KLHDC1: variants seen among roughly 807,000 people sequenced by gnomAD.
KLHDC1 encodes kelch domain containing 1.
Under a neutral mutation model 68.3 loss-of-function variants are expected in KLHDC1, and 53 were observed. That is an observed-to-expected ratio of 0.78 (90% CI 0.62 to 0.98). The LOEUF is 0.98. Among genes scored for constraint, KLHDC1 ranks in the 50% least tolerant of loss-of-function variants. KLHDC1 has a pLI of 0.00. For missense variants in KLHDC1, 470 were observed against 492.3 expected (o/e 0.95, Z 0.43); for synonymous variants, 148 against 159.0 (o/e 0.93, Z 0.52).
intron 12 of KLHDC1, among the ~76,000 whole-genome samples, chr14:49,750,652 A>AT (rs1343368327): frequency 6.6e-6 from 1 of 152,208 alleles, no homozygotes; most frequent in East Asian, 1.9e-4. Flanking sequence ...TTTAACACTT[A>AT]TTTTTTTGAA....
chr14:49,733,373 C>T lies in KLHDC1; in HGVS notation c.823+557C>T, dbSNP rs1009510235. 2.6e-5 allele frequency among the ~76,000 whole-genome samples: 4 copies of T among 151,696 alleles called. No individual in the cohort carries two copies. The East Asian group carries it at 5.8e-4, about 22-fold the overall frequency. ...TGGCATCAAGATAGACAGATGACCACGAATATTGACTTCTTAATTTGGCAT... is the reference window on the plus strand; with the variant it reads ...TGGCATCAAGATAGACAGATGACCATGAATATTGACTTCTTAATTTGGCAT... On this transcript the variant is annotated intron_variant, in intron 9 of 12. Transcript: ENST00000359332.
chr14:49,694,980 G>T (rs1013424279), intron 1 of KLHDC1, among the ~76,000 whole-genome samples: 5 of 152,232 alleles, frequency 3.3e-5, no homozygotes, highest in African/African-American at 1.2e-4. Context: ...CTATGTAGTT[G>T]GCTACTGACT....
intron 1 of KLHDC1, among the ~76,000 whole-genome samples, chr14:49,696,515 C>T (rs1887747674): frequency 6.6e-6 from 1 of 152,124 alleles, no homozygotes; most frequent in Admixed American, 6.5e-5. Context: ...AGAACAGCTT[C>T]CTTCCTTTAA....
chr14:49,704,254 A>G (rs1246273693), intron 1 of KLHDC1, among the ~76,000 whole-genome samples: 3 of 151,938 alleles, frequency 2.0e-5, no homozygotes, highest in South Asian at 4.1e-4. Flanking sequence ...ATGCTGGCTC[A>G]TGTCTTTTGC....
intron 6 of KLHDC1, among the ~76,000 whole-genome samples, chr14:49,726,770 C>T (rs1316073399): frequency 3.3e-5 from 5 of 152,170 alleles, no homozygotes; most frequent in Non-Finnish European, 5.9e-5. Context: ...CCTCAGGAAC[C>T]GGAGCAGGTT....
chr14:49,706,701 G>A (rs763533055), intron 1 of KLHDC1, among the ~76,000 whole-genome samples: 2 of 152,236 alleles, frequency 1.3e-5, no homozygotes, highest in Non-Finnish European at 2.9e-5. Context: ...ATATCTCATT[G>A]TAGTTTTGAT....
At chr14:49,694,624 C>T (rs1887679559) in intron 1 of KLHDC1, among the ~76,000 whole-genome samples, 1 of 152,024 alleles carries the variant, frequency 6.6e-6, no homozygotes, top group Non-Finnish European at 1.5e-5. Flanking sequence ...GAGGCTGAGG[C>T]GGGTGGATTA....
At chr14:49,746,231 G>A (rs1011508147) in intron 12 of KLHDC1, among the ~76,000 whole-genome samples, 1 of 152,204 alleles carries the variant, frequency 6.6e-6, no homozygotes, top group African/African-American at 2.4e-5. Flanking sequence ...GTGTTTATGG[G>A]AACTGTAGTG....
chr14:49,707,996 ATCT>A (rs372013967), intron 1 of KLHDC1, among the ~76,000 whole-genome samples: 5 of 151,746 alleles, frequency 3.3e-5, no homozygotes, highest in African/African-American at 1.2e-4. Flanking sequence ...AAACAGCTAA[ATCT>A]TCTTAGCATG....
chr14:49,739,682 T>C (rs1412546900), intron 10 of KLHDC1, among the ~76,000 whole-genome samples: 1 of 152,204 alleles, frequency 6.6e-6, no homozygotes, highest in South Asian at 2.1e-4. Flanking sequence ...TCCTTTTTAA[T>C]TTATTTCACT....
intron 4 of KLHDC1, 132 bp from the exon 5 acceptor site, chr14:49,723,742 C>T: frequency 1.7e-6 from 1 of 581,284 alleles, no homozygotes. Flanking sequence ...CTCTTTGTTC[C>T]CTCAGCTCTT....
chr14:49,730,513 C>T (rs1244476373), intron 8 of KLHDC1, among the ~76,000 whole-genome samples: 5 of 152,138 alleles, frequency 3.3e-5, no homozygotes, highest in African/African-American at 4.8e-5. Context: ...AGCCACCGTG[C>T]CCAGCTGACA....
intron 4 of KLHDC1, among the ~76,000 whole-genome samples, chr14:49,712,502 C>CTTT (rs776185436): frequency 7.5e-6 from 1 of 133,676 alleles, no homozygotes; most frequent in Admixed American, 7.5e-5. Flanking sequence ...CATAGATTTT[C>CTTT]TTTTTTTTTT....
At chr14:49,749,467 G>A (rs1051471513) in intron 12 of KLHDC1, among the ~76,000 whole-genome samples, 4 of 151,900 alleles carry the variant, frequency 2.6e-5, no homozygotes, top group South Asian at 2.1e-4. Context: ...GCAGGAGTTC[G>A]GAGTTCAAGA....
rs146613441 is a variant in KLHDC1, at chr14:49,743,771, T to C, written c.1000T>C (p.Leu334=). The change falls in exon 12 of 13, where the codon TTG becomes CTG. Residue 334 remains leucine, a synonymous_variant. Coordinates refer to ENST00000359332, the MANE Select transcript of KLHDC1 (RefSeq NM_172193.3). ...ALDTGHCNDL[L]IFQTQPYSLL... The stretch of plus-strand genomic sequence containing the variant: ...TGATTAGGGTCACTGTAATGATTTA[T>C]TGATCTTTCAAACACAGCCTTATTC... 8.7e-5 allele frequency: 139 copies of C among 1,595,760 alleles called. No homozygotes were observed. The African/African-American group carries it at 1.5e-3, about 17-fold the overall frequency.
At chr14:49,698,098 T>C (rs1887794359) in intron 1 of KLHDC1, among the ~76,000 whole-genome samples, 1 of 152,248 alleles carries the variant, frequency 6.6e-6, no homozygotes, top group African/African-American at 2.4e-5. Flanking sequence ...TTCTGCCACC[T>C]GTAGAGGTGT....
At chr14:49,749,050 C>T (rs12434787) in intron 12 of KLHDC1, among the ~76,000 whole-genome samples, 20,274 of 152,016 alleles carry the variant, frequency 0.13, 1,673 homozygotes, top group Non-Finnish European at 0.19. Context: ...CCTCCCGCCT[C>T]GGCCTCCCAA....
intron 11 of KLHDC1, among the ~76,000 whole-genome samples, chr14:49,741,260 G>C (rs1889057285): frequency 6.6e-6 from 1 of 151,742 alleles, no homozygotes; most frequent in Non-Finnish European, 1.5e-5. Context: ...TTACCTACTA[G>C]CTTGCCCCTT....
intron 12 of KLHDC1, among the ~76,000 whole-genome samples, chr14:49,748,138 A>G (rs199605262): frequency 1.3e-5 from 2 of 152,246 alleles, no homozygotes; most frequent in African/African-American, 2.4e-5. Flanking sequence ...GAGCAAGGTC[A>G]TAAAGAATGA....
Sources: gnomAD v4.1 joint callset for allele counts (sites outside exome capture counted in the v4.1 genomes callset) on GRCh38, gnomAD v4.1.1 for gene constraint, MANE v1.5 for transcripts, NCBI Gene and HGNC (gene_info 2026-07-23, HGNC 2026-07-21) for gene names.